The following SEMA3A variants were observed in gnomAD, a reference collection of about 807,000 sequenced individuals.
SEMA3A encodes semaphorin 3A, also known as semaphorin-3A.
SEMA3A carries 29 observed loss-of-function variants against 97.9 expected under a neutral mutation model. That is an observed-to-expected ratio of 0.30 (90% CI 0.22 to 0.40). SEMA3A has a LOEUF of 0.40. SEMA3A is among the 10% of genes least tolerant of loss of function. The probability of loss-of-function intolerance (pLI) is 1.00; values close to 1 mark genes in which losing one functional copy is unlikely to be tolerated. For synonymous variants in SEMA3A, 321 were observed against 323.7 expected (o/e 0.99, Z 0.09); for missense variants, 763 against 951.3 (o/e 0.80, Z 2.60).
intron 12 of SEMA3A, among the ~76,000 whole-genome samples, chr7:83,997,480 C>CTGAT (rs1257801757): frequency 6.6e-6 from 1 of 152,010 alleles, no homozygotes; most frequent in Non-Finnish European, 1.5e-5. Flanking sequence ...TGAACTTTGC[C>CTGAT]TGATAGAATA....
At chr7:84,008,308 G>A (rs1324347271) in intron 9 of SEMA3A, among the ~76,000 whole-genome samples, 3 of 152,044 alleles carry the variant, frequency 2.0e-5, no homozygotes, top group Middle Eastern at 3.4e-3. Flanking sequence ...TGGCTAACAC[G>A]GTGAAACCCC....
At chr7:84,021,387 C>T (rs1408048792) in intron 6 of SEMA3A, among the ~76,000 whole-genome samples, 2 of 152,108 alleles carry the variant, frequency 1.3e-5, no homozygotes, top group Non-Finnish European at 2.9e-5. Flanking sequence ...CCCTCTCTCG[C>T]CTTCAGCTTC....
At chr7:84,037,769 G>GTAA (rs549517454) in intron 6 of SEMA3A, among the ~76,000 whole-genome samples, 3 of 151,744 alleles carry the variant, frequency 2.0e-5, no homozygotes, top group African/African-American at 4.8e-5. Flanking sequence ...GATTTTTAAA[G>GTAA]TAATAATAAT....
intron 3 of SEMA3A, chr7:84,306,530 A>G (rs944026837): frequency 6.6e-6 from 1 of 152,168 alleles, no homozygotes; most frequent in Non-Finnish European, 1.5e-5. Flanking sequence ...TAATAGCAAC[A>G]TATGTAACCG....
intron 15 of SEMA3A, among the ~76,000 whole-genome samples, chr7:83,967,356 C>T (rs1788738278): frequency 6.6e-6 from 1 of 152,146 alleles, no homozygotes; most frequent in Non-Finnish European, 1.5e-5. Context: ...TCCCTCCAGC[C>T]CCCTTCTCTC....
intron 1 of SEMA3A, among the ~76,000 whole-genome samples, chr7:84,435,573 C>A (rs1211679713): frequency 6.6e-6 from 1 of 152,092 alleles, no homozygotes; most frequent in Non-Finnish European, 1.5e-5. Context: ...GGGCCAATGC[C>A]CTCCAGCCTG....
intron 4 of SEMA3A, among the ~76,000 whole-genome samples, chr7:84,093,656 T>C (rs1286774894): frequency 6.6e-6 from 1 of 152,074 alleles, no homozygotes; most frequent in East Asian, 1.9e-4. Context: ...GGGACATGAC[T>C]GGAGCTGAAA....
chr7:83,977,386 T>C (rs565446282), intron 14 of SEMA3A, among the ~76,000 whole-genome samples, 190 bp from the exon 15 acceptor site: 44 of 152,072 alleles, frequency 2.9e-4, no homozygotes, highest in African/African-American at 1.0e-3. Flanking sequence ...GTAAGAGCAG[T>C]CTCCAAGATG....
chr7:84,008,442 G>A (rs1055251135), intron 9 of SEMA3A, among the ~76,000 whole-genome samples: 1 of 141,196 alleles, frequency 7.1e-6, no homozygotes, highest in Admixed American at 7.8e-5. Flanking sequence ...AGTGAGCCTA[G>A]ATCGTGCCAC....
chr7:84,098,753 G>T (rs945136079), intron 4 of SEMA3A, among the ~76,000 whole-genome samples: 9 of 152,024 alleles, frequency 5.9e-5, no homozygotes, highest in African/African-American at 2.2e-4. Context: ...AATCTCAATG[G>T]GGTATAATAT....
intron 1 of SEMA3A, among the ~76,000 whole-genome samples, chr7:84,409,713 G>A (rs902216131): frequency 1.3e-5 from 2 of 152,170 alleles, no homozygotes; most frequent in East Asian, 3.9e-4. Flanking sequence ...GAATAATCAA[G>A]CAAATGTGTT....
At chr7:84,038,340 C>T (rs1017136330) in intron 6 of SEMA3A, among the ~76,000 whole-genome samples, 1 of 152,086 alleles carries the variant, frequency 6.6e-6, no homozygotes, top group Admixed American at 6.6e-5. Flanking sequence ...TTTAGCAACT[C>T]AGTATATTTA....
intron 14 of SEMA3A, among the ~76,000 whole-genome samples, chr7:83,978,939 A>G (rs1278359232): frequency 6.6e-6 from 1 of 152,220 alleles, no homozygotes; most frequent in Admixed American, 6.5e-5. Flanking sequence ...CTTGAATTGT[A>G]GGTATACAAT....
chr7:84,479,468 A>C (rs540969534), intron 1 of SEMA3A, among the ~76,000 whole-genome samples: 2 of 152,316 alleles, frequency 1.3e-5, no homozygotes, highest in South Asian at 2.1e-4. Flanking sequence ...TGTTGCACAC[A>C]AAAATGTAGA....
At chr7:84,488,396 T>C (rs889269277) in intron 1 of SEMA3A, among the ~76,000 whole-genome samples, 2 of 151,710 alleles carry the variant, frequency 1.3e-5, no homozygotes, top group Non-Finnish European at 2.9e-5. Context: ...TCAATTGCCA[T>C]TCTATCTTTC....
intron 3 of SEMA3A, among the ~76,000 whole-genome samples, chr7:84,244,900 T>C (rs1799445651): frequency 6.6e-6 from 1 of 152,186 alleles, no homozygotes; most frequent in Non-Finnish European, 1.5e-5. Context: ...GCTTCAAGAA[T>C]GTTGAATATT....
At chr7:84,209,434 C>T (rs984746821) in intron 3 of SEMA3A, among the ~76,000 whole-genome samples, 7 of 152,036 alleles carry the variant, frequency 4.6e-5, no homozygotes, top group African/African-American at 1.4e-4. Flanking sequence ...AACCTGAGTC[C>T]TATTTCCAGT....
chr7:84,478,017 A>G (rs1423193949), intron 1 of SEMA3A, among the ~76,000 whole-genome samples: 2 of 152,174 alleles, frequency 1.3e-5, no homozygotes, highest in Admixed American at 1.3e-4. Flanking sequence ...GTGTTGAGGT[A>G]ACATCTTTTT....
At chr7:84,331,361 C>T (rs1053446560) in intron 2 of SEMA3A, among the ~76,000 whole-genome samples, 1 of 152,122 alleles carries the variant, frequency 6.6e-6, no homozygotes, top group African/African-American at 2.4e-5. Flanking sequence ...TGAGTTTCTG[C>T]TTTTAATCCC....
Sources: gnomAD v4.1 joint callset for allele counts (sites outside exome capture counted in the v4.1 genomes callset) on GRCh38, gnomAD v4.1.1 for gene constraint, MANE v1.5 for transcripts, NCBI Gene and HGNC (gene_info 2026-07-23, HGNC 2026-07-21) for gene names.